The following DSCAM variants were observed in gnomAD, a reference collection of about 807,000 sequenced individuals.
The protein encoded by DSCAM is cell adhesion molecule DSCAM.
Under a neutral mutation model 217.7 loss-of-function variants are expected in DSCAM, and 47 were observed. That is an observed-to-expected ratio of 0.22 (90% CI 0.17 to 0.28). DSCAM has a LOEUF of 0.28. Ranked by LOEUF, DSCAM falls within the 10% of genes least tolerant of loss-of-function variation. DSCAM has a pLI of 1.00. For missense variants in DSCAM, 2,080 were observed against 2,618.3 expected (o/e 0.79, Z 4.49); for synonymous variants, 1,056 against 1,015.3 (o/e 1.04, Z -0.76).
intron 1 of DSCAM, among the ~76,000 whole-genome samples, chr21:40,844,136 T>G (rs1034877548): frequency 9.2e-5 from 14 of 152,198 alleles, no homozygotes; most frequent in Admixed American, 4.6e-4. Context: ...TATTCTCAAT[T>G]TTTTAAAGTT....
intron 3 of DSCAM, among the ~76,000 whole-genome samples, chr21:40,661,786 C>T (rs943541251): frequency 1.3e-5 from 2 of 152,020 alleles, no homozygotes; most frequent in Non-Finnish European, 2.9e-5. Flanking sequence ...TGCTTTGGGG[C>T]GTGTCCAAAG....
At chr21:40,643,936 G>T (rs560581280) in intron 3 of DSCAM, among the ~76,000 whole-genome samples, 1 of 152,326 alleles carries the variant, frequency 6.6e-6, no homozygotes, top group Admixed American at 6.5e-5. Flanking sequence ...TGTTACGGCA[G>T]CCTGAACAGA....
chr21:40,400,931 T>TATA (rs2075228065), intron 3 of DSCAM, among the ~76,000 whole-genome samples: 1 of 152,242 alleles, frequency 6.6e-6, no homozygotes, highest in Non-Finnish European at 1.5e-5. Flanking sequence ...TATTTGTTAA[T>TATA]ATAATCACTG....
intron 3 of DSCAM, among the ~76,000 whole-genome samples, chr21:40,669,733 C>T (rs1255449581): frequency 1.3e-5 from 2 of 151,992 alleles, no homozygotes; most frequent in Non-Finnish European, 2.9e-5. Context: ...CGTGTGCCAC[C>T]ACGCCTGGTT....
At chr21:40,551,355 A>G (rs1601737131) in intron 3 of DSCAM, among the ~76,000 whole-genome samples, 1 of 152,278 alleles carries the variant, frequency 6.6e-6, no homozygotes, top group Middle Eastern at 3.4e-3. Context: ...AATTATTCCA[A>G]CCAATTATTA....
At chr21:40,171,926 T>G (rs917433221) in intron 15 of DSCAM, among the ~76,000 whole-genome samples, 1 of 152,234 alleles carries the variant, frequency 6.6e-6, no homozygotes, top group African/African-American at 2.4e-5. Flanking sequence ...ATCCATTTAT[T>G]TAACTAAATT....
At chr21:40,623,099 G>A (rs2089544928) in intron 3 of DSCAM, among the ~76,000 whole-genome samples, 1 of 152,140 alleles carries the variant, frequency 6.6e-6, no homozygotes, top group Non-Finnish European at 1.5e-5. Context: ...CTCCTGTCCA[G>A]CAGAATGGAT....
intron 3 of DSCAM, among the ~76,000 whole-genome samples, chr21:40,425,761 A>G (rs1010544677): frequency 5.9e-5 from 9 of 152,072 alleles, no homozygotes; most frequent in African/African-American, 2.2e-4. Flanking sequence ...ATAATTCTAA[A>G]GAATATATTT....
chr21:40,778,400 C>T (rs918459528), intron 1 of DSCAM, among the ~76,000 whole-genome samples: 17 of 152,212 alleles, frequency 1.1e-4, no homozygotes, highest in African/African-American at 3.1e-4. Flanking sequence ...ACCCAGCCAC[C>T]GTGCCTGGCC....
chr21:40,554,202 T>TTG (rs1568900614), intron 3 of DSCAM, among the ~76,000 whole-genome samples: 2 of 151,856 alleles, frequency 1.3e-5, no homozygotes, highest in African/African-American at 4.8e-5. Context: ...GTTAGTTTTT[T>TTG]TTTTTTTTTT....
intron 1 of DSCAM, among the ~76,000 whole-genome samples, chr21:40,782,074 G>A (rs534932039): frequency 6.6e-6 from 1 of 151,698 alleles, no homozygotes; most frequent in African/African-American, 2.4e-5. Flanking sequence ...GGGAGGCTGA[G>A]GCAGGAGAAT....
intron 8 of DSCAM, among the ~76,000 whole-genome samples, chr21:40,318,402 C>T (rs542909037): frequency 6.6e-6 from 1 of 151,812 alleles, no homozygotes; most frequent in East Asian, 1.9e-4. Context: ...TTAATAATGA[C>T]GACATGGCAG....
intron 1 of DSCAM, among the ~76,000 whole-genome samples, 168 bp from the exon 2 acceptor site, chr21:40,708,939 AT>A (rs2090747170): frequency 6.6e-6 from 1 of 152,230 alleles, no homozygotes; most frequent in South Asian, 2.1e-4. Flanking sequence ...AGACAGGCTG[AT>A]ACTAAAAAAT....
intron 3 of DSCAM, among the ~76,000 whole-genome samples, chr21:40,396,575 A>T (rs1377577067): frequency 1.3e-5 from 2 of 152,108 alleles, no homozygotes; most frequent in Non-Finnish European, 2.9e-5. Flanking sequence ...TTAACTGGAA[A>T]TGGTTGTGGC....
intron 3 of DSCAM, among the ~76,000 whole-genome samples, chr21:40,535,665 A>G (rs1320583154): frequency 6.6e-6 from 1 of 152,232 alleles, no homozygotes; most frequent in Non-Finnish European, 1.5e-5. Flanking sequence ...GACAGGATGG[A>G]TAAGAGCCAA....
chr21:40,343,511 A>T (rs1357647241), intron 6 of DSCAM, among the ~76,000 whole-genome samples: 1 of 152,212 alleles, frequency 6.6e-6, no homozygotes, highest in Non-Finnish European at 1.5e-5. Flanking sequence ...AAGTTTCATC[A>T]AATGATTTTT....
intron 8 of DSCAM, among the ~76,000 whole-genome samples, chr21:40,318,647 G>A (rs569185500): frequency 6.6e-6 from 1 of 152,324 alleles, no homozygotes; most frequent in East Asian, 1.9e-4. Context: ...AGCTTACCGT[G>A]ACTTAGGCTG....
intron 1 of DSCAM, among the ~76,000 whole-genome samples, chr21:40,844,196 C>T (rs1214914087): frequency 6.6e-6 from 1 of 152,166 alleles, no homozygotes; most frequent in African/African-American, 2.4e-5. Context: ...GAAATATGGT[C>T]TTACAAACAG....
intron 12 of DSCAM, 130 bp downstream of exon 12, chr21:40,188,912 A>G: frequency 1.1e-6 from 1 of 889,810 alleles, no homozygotes; most frequent in Non-Finnish European, 1.8e-6. Flanking sequence ...GTGAAAGGGG[A>G]GAGAAATAGT....
Sources: gnomAD v4.1 joint callset for allele counts (sites outside exome capture counted in the v4.1 genomes callset) on GRCh38, gnomAD v4.1.1 for gene constraint, MANE v1.5 for transcripts, NCBI Gene and HGNC (gene_info 2026-07-23, HGNC 2026-07-21) for gene names.